PRPF39: variants seen among roughly 807,000 people sequenced by gnomAD.
The protein encoded by PRPF39 is pre-mRNA-processing factor 39.
In PRPF39, 27 loss-of-function variants were observed where a neutral mutation model predicts 82.1. The ratio of observed to expected loss-of-function variants is 0.33; its 90% CI spans 0.24 to 0.45. The LOEUF is 0.45. PRPF39 is among the 20% of genes least tolerant of loss of function. The pLI, the probability that PRPF39 is intolerant of heterozygous loss-of-function variation, is 1.00. For synonymous variants in PRPF39, 261 were observed against 256.4 expected (o/e 1.02, Z -0.17); for missense variants, 581 against 796.9 (o/e 0.73, Z 3.26).
At chr14:45,096,409 T>C in intron 3 of PRPF39, 181 bp downstream of exon 3, 1 of 1,509,124 alleles carries the variant, frequency 6.6e-7, no homozygotes, top group Non-Finnish European at 8.9e-7. Flanking sequence ...TAATATTTTC[T>C]CTCTTTGTTG....
intron 4 of PRPF39, among the ~76,000 whole-genome samples, chr14:45,102,294 T>C (rs1392851753): frequency 6.6e-6 from 1 of 152,220 alleles, no homozygotes; most frequent in African/African-American, 2.4e-5. Context: ...TGTATTTAAT[T>C]TTCTATTTGA....
chr14:45,086,877 C>G (rs1489498014), intron 1 of PRPF39, among the ~76,000 whole-genome samples: 1 of 145,488 alleles, frequency 6.9e-6, no homozygotes, highest in African/African-American at 2.6e-5. Flanking sequence ...TTTACTGCAG[C>G]CCACAATAAG....
At chr14:45,092,600 CAAAAAAAAAAA>C (rs775755309) in intron 1 of PRPF39, among the ~76,000 whole-genome samples, 2 of 51,486 alleles carry the variant, frequency 3.9e-5, no homozygotes, top group Admixed American at 2.0e-4. Flanking sequence ...GACTCTGTCT[CAAAAAAAAAAA>C]AAAAAAAAAA....
At chr14:45,104,942 C>T (rs1884480590) in intron 5 of PRPF39, among the ~76,000 whole-genome samples, 2 of 152,182 alleles carry the variant, frequency 1.3e-5, no homozygotes, top group Admixed American at 1.3e-4. Context: ...TTCTCTGGTT[C>T]TCCTATACTG....
chr14:45,113,094 G>A (rs1884740550), intron 11 of PRPF39, among the ~76,000 whole-genome samples: 2 of 152,214 alleles, frequency 1.3e-5, no homozygotes, highest in Non-Finnish European at 2.9e-5. Flanking sequence ...ATTGTAGTAA[G>A]CAAATACACC....
At chr14:45,085,324 G>T (rs895198741) in intron 1 of PRPF39, among the ~76,000 whole-genome samples, 4 of 152,172 alleles carry the variant, frequency 2.6e-5, no homozygotes, top group Non-Finnish European at 5.9e-5. Flanking sequence ...TACTTAGATT[G>T]TGAACTTTGA....
chr14:45,110,860 C>T lies in PRPF39; in HGVS notation c.1572+43C>T, dbSNP rs909229342. ...TAAGAGTATCTTCTATTAAAAAAAC[C>T]AGTGGTCAGTGTATTTTCACTGTGG... is the stretch of plus-strand genomic sequence containing the variant. On this transcript the variant is annotated intron_variant, in intron 10 of 13. Coordinates refer to ENST00000355765, the MANE Select transcript of PRPF39 (RefSeq NM_017922.4). The surrounding 1 kb of genome is among the most constrained non-coding windows in gnomAD (Gnocchi z 4.0). 6 of 1,482,158 alleles carry T rather than the reference C, an allele frequency of 4.0e-6. No homozygotes were observed. Among genetic ancestry groups the T allele is most frequent in the Non-Finnish European group, 5.5e-6 (6 of 1,098,362 alleles). 91.8% of individuals were successfully genotyped at this position (1,482,158 alleles called of 1,614,324 possible).
At chr14:45,114,060 T>C in intron 11 of PRPF39, 123 bp from the exon 12 acceptor site, 1 of 665,144 alleles carries the variant, frequency 1.5e-6, no homozygotes, top group Non-Finnish European at 2.5e-6. Context: ...TAGTAGAAAT[T>C]TTAAAAATAA....
At chr14:45,106,555 AT>A (rs1011956706) in intron 5 of PRPF39, among the ~76,000 whole-genome samples, 2 of 152,138 alleles carry the variant, frequency 1.3e-5, no homozygotes, top group Non-Finnish European at 2.9e-5. Flanking sequence ...GTGAAATGAT[AT>A]TTTTTTCAAA....
Position 45,114,140 on chromosome 14 carries a change from G to GT in PRPF39, c.1758-37dup, listed in dbSNP as rs778191458. 3.8e-5 allele frequency: 53 copies of GT among 1,409,282 alleles called. No individual in the cohort carries two copies. In the Admixed American group the frequency reaches 4.6e-4, roughly 12 times the overall value. 87.3% of individuals were successfully genotyped at this position (1,409,282 alleles called of 1,614,324 possible). On this transcript the variant is annotated intron_variant, in intron 11 of 13. Transcript: ENST00000355765. ...CAACTTTAAATATTTAATAAAGTTT[G>GT]TTTTTTGTATATTCCAGAGGATATT... is the stretch of plus-strand genomic sequence containing the variant.
intron 3 of PRPF39, 102 bp downstream of exon 3, chr14:45,096,330 T>C: frequency 7.0e-7 from 1 of 1,432,936 alleles, no homozygotes; most frequent in Non-Finnish European, 9.5e-7. Flanking sequence ...TGGCAGTACC[T>C]ACCATTTATG....
At chr14:45,105,333 G>C (rs1359042835) in intron 5 of PRPF39, among the ~76,000 whole-genome samples, 3 of 152,018 alleles carry the variant, frequency 2.0e-5, no homozygotes, top group East Asian at 1.9e-4. Context: ...TGACCATTCT[G>C]AGTTTTAATA....
At chr14:45,094,314 G>C (rs1193920633) in intron 1 of PRPF39, among the ~76,000 whole-genome samples, 1 of 152,234 alleles carries the variant, frequency 6.6e-6, no homozygotes, top group South Asian at 2.1e-4. Flanking sequence ...CCTTAAAGGG[G>C]TAATTGCTTA....
At chr14:45,112,220 A>AT (rs1884719020) in intron 10 of PRPF39, 98 bp from the exon 11 acceptor site, 2 of 1,061,648 alleles carry the variant, frequency 1.9e-6, no homozygotes, top group Non-Finnish European at 2.6e-6. Context: ...AATTTTCAAT[A>AT]TTTTTTCAAA....
In PRPF39 at chr14:45,108,471, G is replaced by C. The variant is rs771276369; in HGVS notation, c.960G>C (p.Met320Ile). The stretch of plus-strand genomic sequence containing the variant: ...GAATCATTGAGATTCATCAAGAAAT[G>C]TTTAATTATAATGAGCATGAAGTTA... ...RHRIIEIHQE[M>I]FNYNEHEVSK... Residue 320 changes from methionine (M) to isoleucine (I), a missense_variant, in exon 7 of 14, where the codon ATG becomes ATC. Coordinates refer to ENST00000355765, the MANE Select transcript of PRPF39 (RefSeq NM_017922.4). 2 of 1,601,866 alleles carry C rather than the reference G, an allele frequency of 1.2e-6. No homozygotes were observed. Among genetic ancestry groups the C allele is most frequent in the Non-Finnish European group, 1.7e-6 (2 of 1,176,426 alleles).
chr14:45,110,947 T>C lies in PRPF39; in HGVS notation c.1572+130T>C. Reference sequence around the variant, plus strand: ...TTTTATTACTAAATGAGGACAACAGTCCCTCTAAACTGATGTTGCCATTTA... The same window carrying C: ...TTTTATTACTAAATGAGGACAACAGCCCCTCTAAACTGATGTTGCCATTTA... On this transcript the variant is annotated intron_variant, in intron 10 of 13. Coordinates refer to ENST00000355765, the MANE Select transcript of PRPF39 (RefSeq NM_017922.4). This position sits in a 1 kb window ranked among gnomAD's most constrained non-coding sequence, Gnocchi z 4.0. 6.3e-6 allele frequency: 6 copies of C among 950,508 alleles called. No individual in the cohort carries two copies. Among genetic ancestry groups the C allele is most frequent in the Non-Finnish European group, 9.2e-6 (6 of 655,114 alleles). The allele number at this position is 950,508 out of a possible 1,614,324, so 58.9% of individuals were successfully genotyped here.
In PRPF39 at chr14:45,095,206, T is replaced by C. The variant is rs1884158857; in HGVS notation, c.-19-15T>C. On this transcript the variant is annotated splice_polypyrimidine_tract_variant and intron_variant, in intron 1 of 13. Coordinates refer to ENST00000355765, the MANE Select transcript of PRPF39 (RefSeq NM_017922.4). ...GCATTTGGAAGATATTTCTCTTTTT[T>C]TCGTGTTTCCACAGATCGTTAACTG... The C allele has an allele frequency of 6.8e-7, 1 of 1,468,672 alleles. No homozygotes were observed. 91.0% of individuals were successfully genotyped at this position (1,468,672 alleles called of 1,614,324 possible). A position where few individuals can be genotyped will look rare whatever the true frequency, so the allele number is the denominator to read the frequency against.
rs534244347 is a variant in PRPF39, at chr14:45,108,994, C to T, written c.1011+472C>T. On this transcript the variant is annotated intron_variant, in intron 7 of 13. Transcript: ENST00000355765. ...TATTCACAGATATGTACAACCATCA[C>T]CACAGTCAATTTTAAAACATAATCA... Among the ~76,000 whole-genome samples, 18 of 152,118 alleles carry T rather than the reference C, an allele frequency of 1.2e-4. 3 individuals are homozygous for T. The highest frequency in any genetic ancestry group is 3.6e-4 in the African/African-American group (15 of 41,492).
chr14:45,108,590 T>G (rs1884609154), intron 7 of PRPF39, 68 bp downstream of exon 7: 1 of 1,516,408 alleles, frequency 6.6e-7, no homozygotes, highest in Non-Finnish European at 8.8e-7. Flanking sequence ...TCTTTCAATT[T>G]TGATAGTACT....
Sources: gnomAD v4.1 joint callset for allele counts (sites outside exome capture counted in the v4.1 genomes callset) on GRCh38, gnomAD v4.1.1 for gene constraint, Gnocchi (gnomAD v3.1) non-coding constraint, MANE v1.5 for transcripts, NCBI Gene and HGNC (gene_info 2026-07-23, HGNC 2026-07-21) for gene names.